The following KCNQ3 variants were observed in gnomAD, a reference collection of about 807,000 sequenced individuals.
KCNQ3 encodes potassium voltage-gated channel subfamily KQT member 3.
A neutral mutation model predicts 92.5 loss-of-function variants in KCNQ3; 30 were observed. The observed-to-expected ratio is 0.32, with a 90% CI of 0.24 to 0.44. KCNQ3 has a LOEUF of 0.44. Ranked by LOEUF, KCNQ3 falls within the 20% of genes least tolerant of loss-of-function variation. The pLI is 1.00. For synonymous variants in KCNQ3, 450 were observed against 468.8 expected, an observed-to-expected ratio of 0.96 and a Z score of 0.52; for missense variants, 913 against 1,140.3, an observed-to-expected ratio of 0.80 and a Z score of 2.87.
intron 11 of KCNQ3, among the ~76,000 whole-genome samples, chr8:132,139,201 A>T (rs1825207025): frequency 6.6e-6 from 1 of 152,254 alleles, no homozygotes; most frequent in African/African-American, 2.4e-5. Context: ...GAAGAGAAGA[A>T]GACGGCAGAG....
At chr8:132,171,131 T>C (rs768641611) in intron 7 of KCNQ3, among the ~76,000 whole-genome samples, 16 of 152,182 alleles carry the variant, frequency 1.1e-4, no homozygotes, top group Non-Finnish European at 1.5e-4. Flanking sequence ...GAGTCTTTTG[T>C]ACCATTTCTG....
At chr8:132,451,638 T>C (rs1158790086) in intron 1 of KCNQ3, among the ~76,000 whole-genome samples, 1 of 152,174 alleles carries the variant, frequency 6.6e-6, no homozygotes, top group Non-Finnish European at 1.5e-5. Context: ...GAAATGTAGG[T>C]GCAGGAAGGA....
chr8:132,413,982 G>A (rs1049045491), intron 1 of KCNQ3, among the ~76,000 whole-genome samples: 26 of 152,260 alleles, frequency 1.7e-4, no homozygotes, highest in African/African-American at 6.3e-4. Context: ...TCATCCTGAG[G>A]AGACGCCCGC....
chr8:132,191,981 T>C (rs1483871271), intron 1 of KCNQ3, among the ~76,000 whole-genome samples: 4 of 152,312 alleles, frequency 2.6e-5, no homozygotes, highest in East Asian at 3.9e-4. Flanking sequence ...GCGGACCTGC[T>C]GCACTTGAGG....
intron 1 of KCNQ3, among the ~76,000 whole-genome samples, chr8:132,236,060 T>A (rs1814805858): frequency 6.6e-6 from 1 of 152,140 alleles, no homozygotes; most frequent in African/African-American, 2.4e-5. Context: ...GATAAATCCA[T>A]CATAAAAACT....
chr8:132,480,681 A>C lies in KCNQ3; in HGVS notation c.-149T>G, dbSNP rs1402265914. On this transcript the variant is annotated 5_prime_UTR_variant, in exon 1 of 15. Coordinates refer to ENST00000388996, the MANE Select transcript of KCNQ3 (RefSeq NM_004519.4). ...GCGCGCCCCTCCCCACCCCCCCCCA[A>C]AAGCAGGCAAAGGCGGGCCCCCTGG... 265 of 626,438 alleles carry C rather than the reference A, an allele frequency of 4.2e-4. No individual in the cohort carries two copies. The highest frequency in any genetic ancestry group is 1.9e-3 in the African/African-American group (63 of 33,924). The allele number at this position is 626,438 out of a possible 1,614,324, so 38.8% of individuals were successfully genotyped here. A position where few individuals can be genotyped will look rare whatever the true frequency, so the allele number is the denominator to read the frequency against.
chr8:132,211,356 G>T (rs1232835845), intron 1 of KCNQ3, among the ~76,000 whole-genome samples: 1 of 152,170 alleles, frequency 6.6e-6, no homozygotes, highest in East Asian at 1.9e-4. Flanking sequence ...TTACAACTCT[G>T]TAAATTATAA....
intron 1 of KCNQ3, among the ~76,000 whole-genome samples, chr8:132,293,127 C>T (rs1382163014): frequency 6.6e-6 from 1 of 152,162 alleles, no homozygotes; most frequent in Non-Finnish European, 1.5e-5. Flanking sequence ...ACACCCCTTC[C>T]CCTAGACCTC....
chr8:132,473,643 A>G (rs1273589338), intron 1 of KCNQ3, among the ~76,000 whole-genome samples: 1 of 152,228 alleles, frequency 6.6e-6, no homozygotes, highest in Non-Finnish European at 1.5e-5. Context: ...TTAGTTTCAC[A>G]AGAGCCTATA....
In KCNQ3 at chr8:132,129,808, G is replaced by A. The variant is rs753262441; in HGVS notation, c.2073C>T (p.Gly691=). The stretch of plus-strand genomic sequence containing the variant: ...GGAAGCTGTAGGGTGGTTCCGGGGG[G>A]CCTGTCTCAGAATAGTTGCAGATGA... ...KTIICNYSET[G]PPEPPYSFHQ... is the part of the protein sequence containing the mutation. Residue 691 remains glycine, a synonymous_variant, in exon 15 of 15, where the codon GGC becomes GGT. Transcript: ENST00000388996. The surrounding 1 kb of genome is among the most constrained non-coding windows in gnomAD (Gnocchi z 5.9). The A allele has an allele frequency of 6.2e-7, 1 of 1,614,162 alleles. No homozygotes were observed. Among genetic ancestry groups the A allele is most frequent in the Non-Finnish European group, 8.5e-7 (1 of 1,180,022 alleles).
At chr8:132,276,008 G>A (rs185064245) in intron 1 of KCNQ3, among the ~76,000 whole-genome samples, 1 of 152,204 alleles carries the variant, frequency 6.6e-6, no homozygotes, top group East Asian at 1.9e-4. Flanking sequence ...ACTAGGGGTC[G>A]CTACACATCA....
chr8:132,306,083 C>A (rs987742370), intron 1 of KCNQ3, among the ~76,000 whole-genome samples: 6 of 152,210 alleles, frequency 3.9e-5, no homozygotes, highest in African/African-American at 1.4e-4. Context: ...GGCAACTCGC[C>A]CAAGGCCATG....
intron 1 of KCNQ3, among the ~76,000 whole-genome samples, chr8:132,238,524 G>A (rs761023152): frequency 5.9e-5 from 9 of 152,092 alleles, no homozygotes; most frequent in African/African-American, 1.2e-4. Context: ...CTGTAGATCC[G>A]CTTTTTGTGT....
intron 4 of KCNQ3, among the ~76,000 whole-genome samples, chr8:132,177,013 G>A (rs966644910): frequency 5.3e-5 from 8 of 152,170 alleles, no homozygotes; most frequent in African/African-American, 1.7e-4. Flanking sequence ...ATTTGAGGAC[G>A]GAAACGTACA....
At chr8:132,170,025 A>G (rs1826270477) in intron 8 of KCNQ3, among the ~76,000 whole-genome samples, 1 of 151,992 alleles carries the variant, frequency 6.6e-6, no homozygotes, top group Non-Finnish European at 1.5e-5. Flanking sequence ...GGCACACACC[A>G]CCACGCCCGG....
intron 1 of KCNQ3, among the ~76,000 whole-genome samples, chr8:132,280,959 A>G (rs1816495449): frequency 6.6e-6 from 1 of 152,120 alleles, no homozygotes; most frequent in South Asian, 2.1e-4. Context: ...CAATTCCTTT[A>G]TTTTCCGAAA....
chr8:132,181,710 T>G (rs1826783342), intron 3 of KCNQ3, among the ~76,000 whole-genome samples: 1 of 152,114 alleles, frequency 6.6e-6, no homozygotes, highest in Non-Finnish European at 1.5e-5. Context: ...TGTTCTGGTC[T>G]CTCAGCTTGG....
chr8:132,150,569 T>A (rs1237211882), intron 9 of KCNQ3, among the ~76,000 whole-genome samples: 1 of 152,208 alleles, frequency 6.6e-6, no homozygotes, highest in Admixed American at 6.5e-5. Flanking sequence ...AAGTTATAGT[T>A]ATATTTACAA....
chr8:132,381,579 C>A (rs60348297), intron 1 of KCNQ3, among the ~76,000 whole-genome samples: 22,045 of 152,156 alleles, frequency 0.14, 1,774 homozygotes, highest in African/African-American at 0.21. Context: ...AGGTAACTCT[C>A]CTACCAGCCT....
Sources: gnomAD v4.1 joint callset for allele counts (sites outside exome capture counted in the v4.1 genomes callset) on GRCh38, gnomAD v4.1.1 for gene constraint, Gnocchi (gnomAD v3.1) non-coding constraint, MANE v1.5 for transcripts, NCBI Gene and HGNC (gene_info 2026-07-23, HGNC 2026-07-21) for gene names.